TYMP: variants seen among roughly 807,000 people sequenced by gnomAD.
TYMP encodes gliostatin.
A neutral mutation model predicts 42.3 loss-of-function variants in TYMP; 46 were observed. The ratio of observed to expected loss-of-function variants is 1.09; its 90% CI spans 0.86 to 1.39. The LOEUF (loss-of-function observed/expected upper bound fraction) is 1.39. Ranked by LOEUF, TYMP falls within the 40% of genes most tolerant of loss-of-function variation. The pLI, the probability that TYMP is intolerant of heterozygous loss-of-function variation, is 0.00. For synonymous variants in TYMP, 363 were observed against 308.0 expected, an observed-to-expected ratio of 1.18 and a Z score of -1.87; for missense variants, 837 against 677.6, an observed-to-expected ratio of 1.24 and a Z score of -2.61.
chr22:50,529,687 C>T lies in TYMP; in HGVS notation c.23G>A (p.Gly8Glu), dbSNP rs1284840530. MAALMTP[G>E]TGAPPAPGDF... is the part of the protein sequence containing the mutation. ...ACCAGGCGCGGGTGGGGCCCCGGTT[C>T]CCGGGGTCATCAAGGCTGCCATCGC... The change falls in exon 2 of 10, where the codon GGA (glycine) becomes GAA (glutamate). Residue 8 changes from glycine to glutamate, a missense_variant. Coordinates refer to ENST00000252029, the MANE Select transcript of TYMP (RefSeq NM_001953.5). 1.2e-6 allele frequency: 2 copies of T among 1,611,118 alleles called. No individual in the cohort carries two copies. Among genetic ancestry groups the T allele is most frequent in the East Asian group, 2.2e-5 (1 of 44,814 alleles).
In TYMP at chr22:50,526,718, T is replaced by C. The variant is rs775967116; in HGVS notation, c.786A>G (p.Leu262=). 10 of 1,538,126 alleles carry C rather than the reference T, an allele frequency of 6.5e-6. No homozygotes were observed. The Admixed American group carries it at 2.0e-4, about 30-fold the overall frequency. The stretch of plus-strand genomic sequence containing the variant: ...TCAGCGCTGCCGCGACCCGAAGCCC[T>C]AGGCTGGCTCCCACGCCAACCTGCG... ...AKTLVGVGAS[L]GLRVAAALTA... Residue 262 remains leucine, a synonymous_variant, in exon 7 of 10, where the codon CTA becomes CTG. Transcript: ENST00000252029.
At position 50,526,045 on chromosome 22, in the gene TYMP, AC is replaced by A; in HGVS notation, c.1255del (p.Val419TrpfsTer?). The A allele has an allele frequency of 2.0e-6, 3 of 1,478,148 alleles. No individual in the cohort carries two copies. Among genetic ancestry groups the A allele is most frequent in the Admixed American group, 2.3e-5 (1 of 43,002 alleles). 91.6% of individuals were successfully genotyped at this position (1,478,148 alleles called of 1,614,324 possible). A position where few individuals can be genotyped will look rare whatever the true frequency, so the allele number is the denominator to read the frequency against. ...CACGTCGACCAGCAGCTCTGCGCCC[AC>A]CCCCAGGCGGAGCGGCTCCCCAGCG... ...SRAGEPLRLG[V>X]GAELLVDVGQ... On this transcript the variant is annotated frameshift_variant, in exon 9 of 10. Transcript: ENST00000252029. LOFTEE classifies it low-confidence loss of function (END_TRUNC).
In TYMP at chr22:50,526,844, C is replaced by G. The variant is rs376417411; in HGVS notation, c.766-106G>C. The G allele has an allele frequency of 3.3e-5, 40 of 1,228,236 alleles. 1 individual carries two copies. The African/African-American group carries it at 5.7e-4, about 18-fold the overall frequency. 76.1% of individuals were successfully genotyped at this position (1,228,236 alleles called of 1,614,324 possible). ...GCACCCTGGGTTGCCAGCCCCCCAG[C>G]ATGAAGTCAGGGAAGGATTGGGGTG... On this transcript the variant is annotated intron_variant, in intron 6 of 9. Transcript: ENST00000252029.
intron 4 of TYMP, 179 bp downstream of exon 4, chr22:50,528,333 A>G (rs2069469198): frequency 7.3e-6 from 5 of 685,808 alleles, no homozygotes; most frequent in South Asian, 1.6e-5. Flanking sequence ...CCAACTTCCC[A>G]TTTTATGATC....
intron 3 of TYMP, 100 bp from the exon 4 acceptor site, chr22:50,528,710 G>C: frequency 1.0e-6 from 1 of 970,352 alleles, no homozygotes; most frequent in Non-Finnish European, 1.6e-6. Flanking sequence ...GATTTGGAAA[G>C]TATTTAAGCA....
At position 50,525,800 on chromosome 22, in the gene TYMP, G is replaced by A. The variant is rs752028751; in HGVS notation, c.1419C>T (p.Phe473=). 27 of 1,610,754 alleles carry A rather than the reference G, an allele frequency of 1.7e-5. No individual in the cohort carries two copies. The highest frequency in any genetic ancestry group is 1.7e-4 in the Middle Eastern group (1 of 6,050). ...GCTGCGGCGGCAGAACGAGCTCTGCGAAGGGCGAGGGGGCGGCGAATGGCG... is the reference window on the plus strand; with the variant it reads ...GCTGCGGCGGCAGAACGAGCTCTGCAAAGGGCGAGGGGGCGGCGAATGGCG... The part of the protein sequence containing the change: ...DRAPFAAPSP[F]AELVLPPQQ Residue 473 remains phenylalanine, a synonymous_variant, in exon 10 of 10, where the codon TTC becomes TTT. Transcript: ENST00000252029.
At position 50,527,230 on chromosome 22, in the gene TYMP, C is replaced by T. The variant is rs768470849; in HGVS notation, c.700G>A (p.Val234Ile). The change falls in exon 6 of 10, where the codon GTT becomes ATT. Residue 234 changes from valine (V) to isoleucine (I), a missense_variant. Transcript: ENST00000252029. ...VEGLSALVVD[V>I]KFGGAAVFPN... ...AAGACGGCGGCCCCTCCGAACTTAA[C>T]GTCCACCACCAGAGCGGACAGCCCC... 2 of 1,613,690 alleles carry T rather than the reference C, an allele frequency of 1.2e-6. No individual in the cohort carries two copies. Among genetic ancestry groups the T allele is most frequent in the Admixed American group, 1.7e-5 (1 of 60,018 alleles).
intron 4 of TYMP, 54 bp from the exon 5 acceptor site, chr22:50,527,771 T>A: frequency 6.8e-6 from 1 of 147,744 alleles, no homozygotes; most frequent in African/African-American, 4.5e-5. Flanking sequence ...TTAGCAGCTT[T>A]TTTTTTTTTT....
chr22:50,526,394 G>C lies in TYMP; in HGVS notation c.1011C>G (p.Gly337=). Residue 337 remains glycine, a synonymous_variant, in exon 8 of 10, where the codon GGC becomes GGG. Coordinates refer to ENST00000252029, the MANE Select transcript of TYMP (RefSeq NM_001953.5). ...TCCGCTCGAAGCGGCCAAGGGCCGA[G>C]CCGTCGTCCAGCGCCGCGGCCACCC... ...AARVAAALDD[G]SALGRFERML... 1 of 1,525,360 alleles carries C rather than the reference G, an allele frequency of 6.6e-7. No homozygotes were observed. The highest frequency in any genetic ancestry group is 8.7e-7 in the Non-Finnish European group (1 of 1,146,552). 94.5% of individuals were successfully genotyped at this position (1,525,360 alleles called of 1,614,324 possible).
In TYMP at chr22:50,526,317, C is replaced by G. The variant is rs1311160064; in HGVS notation, c.1088G>C (p.Gly363Ala). 6.4e-7 allele frequency: 1 copy of G among 1,562,754 alleles called. No individual in the cohort carries two copies. Among genetic ancestry groups the G allele is most frequent in the African/African-American group, 1.4e-5 (1 of 71,442 alleles). The change falls in exon 8 of 10, where the codon GGA (glycine) becomes GCA (alanine). Residue 363 changes from glycine to alanine, a missense_variant. By Grantham distance (60) the Gly-to-Ala change is moderately conservative (BLOSUM62 0). Coordinates refer to ENST00000252029, the MANE Select transcript of TYMP (RefSeq NM_001953.5). ...DPGLARALCS[G>A]SPAERRQLLP... ...CAGCTGCCGGCGTTCTGCGGGACTT[C>G]CCGAGCACAGGGCTCGGGCCAGACC...
chr22:50,528,652 C>G, intron 3 of TYMP, 42 bp from the exon 4 acceptor site: 1 of 1,479,084 alleles, frequency 6.8e-7, no homozygotes, highest in Non-Finnish European at 9.4e-7. Flanking sequence ...AGTACCCCTC[C>G]CCCACCTCTG....
intron 1 of TYMP, 26 bp from the exon 2 acceptor site, chr22:50,529,745 G>A (rs774135504): frequency 6.3e-7 from 1 of 1,578,882 alleles, no homozygotes; most frequent in Non-Finnish European, 8.6e-7. Context: ...ACACGTCCGG[G>A]GTCTGCGGCC....
Position 50,526,566 on chromosome 22 carries a change from TC to T in TYMP, c.928+9del. 2 of 1,564,890 alleles carry T rather than the reference TC, an allele frequency of 1.3e-6. No individual in the cohort carries two copies. Among genetic ancestry groups the T allele is most frequent in the East Asian group, 2.4e-5 (1 of 42,028 alleles). The stretch of plus-strand genomic sequence containing the variant: ...GCCGCCTCCGCTCCCCTACACCCCG[TC>T]CCCCTCACCGAGCGTGGTGACCAGG... On this transcript the variant is annotated intron_variant, in intron 7 of 9. Transcript: ENST00000252029.
rs1355825564 is a variant in TYMP at position 50,526,138 on chromosome 22, G to A, written c.1163C>T (p.Thr388Ile). The A allele has an allele frequency of 6.7e-7, 1 of 1,485,346 alleles. No homozygotes were observed. The highest frequency in any genetic ancestry group is 1.5e-5 in the African/African-American group (1 of 68,404). 92.0% of individuals were successfully genotyped at this position (1,485,346 alleles called of 1,614,324 possible). A position where few individuals can be genotyped will look rare whatever the true frequency, so the allele number is the denominator to read the frequency against. The change falls in exon 9 of 10, where the codon ACC becomes ATC. Residue 388 changes from threonine (T) to isoleucine (I), a missense_variant. By Grantham distance (89) the Thr-to-Ile change is moderately conservative. Coordinates refer to ENST00000252029, the MANE Select transcript of TYMP (RefSeq NM_001953.5). Reference protein sequence around the residue: ...QEELLAPADGTVELVRALPLA... With the variant: ...QEELLAPADGIVELVRALPLA... Reference sequence around the variant, plus strand: ...CGGCAGCGCCCGGACCAGCTCCACGGTGCCTGCGGGGAGAGGGGCTGAGAG... The same window carrying A: ...CGGCAGCGCCCGGACCAGCTCCACGATGCCTGCGGGGAGAGGGGCTGAGAG...
At position 50,526,376 on chromosome 22, in the gene TYMP, G is replaced by C. The variant is rs2069377075; in HGVS notation, c.1029C>G (p.Phe343Leu). Residue 343 changes from phenylalanine (F) to leucine (L), a missense_variant, in exon 8 of 10, where the codon TTC becomes TTG. Physicochemically the swap from Phe to Leu is conservative, Grantham distance 22. Coordinates refer to ENST00000252029, the MANE Select transcript of TYMP (RefSeq NM_001953.5). ...ALDDGSALGR[F>L]ERMLAAQGVD... ...CGCCCTGCGCCGCCAGCATCCGCTCGAAGCGGCCAAGGGCCGAGCCGTCGT... is the reference window on the plus strand; with the variant it reads ...CGCCCTGCGCCGCCAGCATCCGCTCCAAGCGGCCAAGGGCCGAGCCGTCGT... The C allele has an allele frequency of 6.5e-7, 1 of 1,537,024 alleles. No individual in the cohort carries two copies. The highest frequency in any genetic ancestry group is 8.7e-7 in the Non-Finnish European group (1 of 1,153,036).
At position 50,529,327 on chromosome 22, in the gene TYMP, T is replaced by A; in HGVS notation, c.226A>T (p.Met76Leu). ...AQGAQIGAML[M>L]AIRLRGMDLE... ...TCCATGCCCCGAAGTCGGATGGCCA[T>A]CAGCATGGCCCCTGGTATGTGGGGG... The change falls in exon 3 of 10, where the codon ATG becomes TTG. Residue 76 changes from methionine (M) to leucine (L), a missense_variant. Physicochemically the swap from Met to Leu is conservative, Grantham distance 15. Transcript: ENST00000252029. 6.2e-7 allele frequency: 1 copy of A among 1,613,302 alleles called. No homozygotes were observed. Among genetic ancestry groups the A allele is most frequent in the Non-Finnish European group, 8.5e-7 (1 of 1,179,966 alleles).
chr22:50,528,653 C>T (rs745705418), intron 3 of TYMP, 43 bp from the exon 4 acceptor site: 3 of 1,476,728 alleles, frequency 2.0e-6, no homozygotes, highest in Non-Finnish European at 2.8e-6. Flanking sequence ...GTACCCCTCC[C>T]CCACCTCTGT....
Position 50,526,094 on chromosome 22 carries a change from C to T in TYMP, c.1207G>A (p.Glu403Lys), listed in dbSNP as rs755917995. The change falls in exon 9 of 10, where the codon GAG (glutamate) becomes AAG (lysine). Residue 403 changes from glutamate (E) to lysine (K), a missense_variant. Physicochemically the swap from Glu to Lys is moderately conservative, Grantham distance 56. Transcript: ENST00000252029. The stretch of plus-strand genomic sequence containing the variant: ...GCGCGGCTGCGCCCGGCCCCGAGCT[C>T]GTGCAGCACCAGCGCCAGCGGCAGC... The part of the protein sequence containing the change: ...RALPLALVLH[E>K]LGAGRSRAGE... 14 of 1,486,448 alleles carry T rather than the reference C, an allele frequency of 9.4e-6. No individual in the cohort carries two copies. The Admixed American group carries it at 2.3e-4, about 24-fold the overall frequency. 92.1% of individuals were successfully genotyped at this position (1,486,448 alleles called of 1,614,324 possible).
At chr22:50,527,357 T>C (rs1354550510) in intron 5 of TYMP, 74 bp from the exon 6 acceptor site, 2 of 1,393,256 alleles carry the variant, frequency 1.4e-6, no homozygotes. Flanking sequence ...GGATGCCGAC[T>C]TTGGGGTCAG....
Sources: allele counts gnomAD v4.1 joint callset, GRCh38; gene constraint gnomAD v4.1.1; transcripts MANE v1.5; gene names NCBI Gene and HGNC (gene_info 2026-07-23, HGNC 2026-07-21).